The following SCARB2 variants were observed in gnomAD, a reference collection of about 807,000 sequenced individuals.
The protein encoded by SCARB2 is scavenger receptor class B member 2.
Under a neutral mutation model 58.6 loss-of-function variants are expected in SCARB2, and 29 were observed. The observed-to-expected ratio is 0.49, with a 90% CI of 0.37 to 0.67. SCARB2 has a LOEUF of 0.67. SCARB2 is among the 30% of genes least tolerant of loss of function. The pLI, the probability that SCARB2 is intolerant of heterozygous loss-of-function variation, is 0.00. For missense variants in SCARB2, 488 were observed against 578.5 expected, an observed-to-expected ratio of 0.84 and a Z score of 1.60; for synonymous variants, 195 against 210.1, an observed-to-expected ratio of 0.93 and a Z score of 0.62.
Position 76,205,172 on chromosome 4 carries a change from T to C in SCARB2, c.117+8255A>G, listed in dbSNP as rs186686122. Among the ~76,000 whole-genome samples the C allele has an allele frequency of 3.8e-3, 574 of 151,960 alleles. 4 individuals carry two copies. The highest frequency in any genetic ancestry group is 0.012 in the African/African-American group (518 of 41,470). ...AAGACCCCATCTCTACAAAAAAATA[T>C]TTAAAAATTAGCCTGGCATGGTGCA... is the stretch of plus-strand genomic sequence containing the variant. On this transcript the variant is annotated intron_variant, in intron 1 of 11. Coordinates refer to ENST00000264896, the MANE Select transcript of SCARB2 (RefSeq NM_005506.4).
At chr4:76,208,619 G>A (rs189760507) in intron 1 of SCARB2, among the ~76,000 whole-genome samples, 21 of 152,194 alleles carry the variant, frequency 1.4e-4, no homozygotes, top group Non-Finnish European at 2.6e-4. Context: ...AAAAGTGGGA[G>A]GCAGAGTGTG....
At chr4:76,219,202 G>C (rs1733266109) in intron 1 of SCARB2, among the ~76,000 whole-genome samples, 1 of 152,190 alleles carries the variant, frequency 6.6e-6, no homozygotes, top group Admixed American at 6.5e-5. Flanking sequence ...ATGGTGACCT[G>C]GGCATCCAGG....
At position 76,195,737 on chromosome 4, in the gene SCARB2, C is replaced by A. The variant is rs1422181706; in HGVS notation, c.245G>T (p.Arg82Leu). 6.2e-7 allele frequency: 1 copy of A among 1,613,966 alleles called. No individual in the cohort carries two copies. The highest frequency in any genetic ancestry group is 1.1e-5 in the South Asian group (1 of 91,066). ...GGTGTATGGCCCCACTTCTTCCACC[C>A]GAGGGGTCTCCCCTCTGAGGATCTC... ...PEEILRGETPRVEEVGPYTYR... is the reference protein window; with the variant it reads ...PEEILRGETPLVEEVGPYTYR... The change falls in exon 2 of 12, where the codon CGG (arginine) becomes CTG (leucine). Residue 82 changes from arginine (R) to leucine (L), a missense_variant. By Grantham distance (102) the Arg-to-Leu change is moderately radical (BLOSUM62 -2). Transcript: ENST00000264896.
chr4:76,233,045 G>A (rs1733519662), intron 1 of SCARB2, among the ~76,000 whole-genome samples: 1 of 151,900 alleles, frequency 6.6e-6, no homozygotes, highest in African/African-American at 2.4e-5. Context: ...TTAACCCTAG[G>A]CAAAAATTTA....
intron 1 of SCARB2, among the ~76,000 whole-genome samples, chr4:76,200,044 A>C (rs1732797683): frequency 6.6e-6 from 1 of 152,202 alleles, no homozygotes; most frequent in African/African-American, 2.4e-5. Context: ...CCTCAGCCTC[A>C]AGACCGCGGA....
rs72857097 is a variant in SCARB2 at position 76,213,496 on chromosome 4, C to A, written c.48G>T (p.Leu16=). 2 of 1,611,342 alleles carry A rather than the reference C, an allele frequency of 1.2e-6. No homozygotes were observed. Among genetic ancestry groups the A allele is most frequent in the East Asian group, 4.5e-5 (2 of 44,750 alleles). The change falls in exon 1 of 12, where the codon CTG becomes CTT. Residue 16 remains leucine (L), a synonymous_variant. Coordinates refer to ENST00000264896, the MANE Select transcript of SCARB2 (RefSeq NM_005506.4). ...CCAGCAGCGTGACGCTGGTCACCAG[C>A]AGGAGCAGGGACAACGTCCCCGCCG... The part of the protein sequence containing the change: ...FYTAGTLSLL[L]LVTSVTLLVA...
intron 1 of SCARB2, among the ~76,000 whole-genome samples, chr4:76,207,250 T>C (rs1425244594): frequency 6.6e-6 from 1 of 152,238 alleles, no homozygotes; most frequent in African/African-American, 2.4e-5. Context: ...AATATGTGCT[T>C]GTGTAGTCTT....
intron 8 of SCARB2, among the ~76,000 whole-genome samples, chr4:76,169,042 T>C (rs769025445): frequency 2.6e-5 from 4 of 152,178 alleles, no homozygotes; most frequent in Non-Finnish European, 5.9e-5. Flanking sequence ...TGCTAACAGT[T>C]TGGCTGATCC....
At position 76,201,069 on chromosome 4, in the gene SCARB2, C is replaced by T. The variant is rs551536002; in HGVS notation, c.118-5205G>A. Among the ~76,000 whole-genome samples the T allele has an allele frequency of 2.6e-5, 4 of 152,320 alleles. No homozygotes were observed. In the South Asian group the frequency reaches 8.3e-4, roughly 32 times the overall value. On this transcript the variant is annotated intron_variant, in intron 1 of 11. Transcript: ENST00000264896. ...TCTGATGCAACTGCGTCACCTGTCG[C>T]TGTCTTTTCCTGGTAGGCACTTTAT...
chr4:76,179,420 G>A, intron 4 of SCARB2, 97 bp downstream of exon 4: 1 of 909,146 alleles, frequency 1.1e-6, no homozygotes, highest in Non-Finnish European at 1.8e-6. Flanking sequence ...CTTAACTCTA[G>A]GCAATTTCTA....
At chr4:76,213,288 T>C (rs1733100258) in intron 1 of SCARB2, 139 bp downstream of exon 1, 1 of 719,288 alleles carries the variant, frequency 1.4e-6, no homozygotes, top group Non-Finnish European at 2.5e-6. Flanking sequence ...TACCAAGCCC[T>C]GGAAGACAGG....
At chr4:76,206,811 G>C (rs1045821676) in intron 1 of SCARB2, among the ~76,000 whole-genome samples, 33 of 151,854 alleles carry the variant, frequency 2.2e-4, no homozygotes, top group African/African-American at 7.7e-4. Flanking sequence ...TGTCTACTTT[G>C]ATCAGCACTC....
chr4:76,201,187 C>A (rs1732821890), intron 1 of SCARB2, among the ~76,000 whole-genome samples: 1 of 152,184 alleles, frequency 6.6e-6, no homozygotes, highest in African/African-American at 2.4e-5. Context: ...CCGCCCTTCA[C>A]CCAGAAGTCT....
chr4:76,170,968 AT>A lies in SCARB2; in HGVS notation c.995-984del, dbSNP rs1400687290. On this transcript the variant is annotated intron_variant, in intron 7 of 11. Transcript: ENST00000264896. ...TAAATATATATATATATATATATAT[AT>A]ATAACCAAATAGGGAAACAAGTTAC... Among the ~76,000 whole-genome samples, 8 of 141,170 alleles carry A rather than the reference AT, an allele frequency of 5.7e-5. 1 individual carries two copies. The South Asian group carries it at 8.8e-4, about 16-fold the overall frequency. The allele number at this position is 141,170 out of a possible 152,430, so 92.6% of individuals were successfully genotyped here.
intron 1 of SCARB2, among the ~76,000 whole-genome samples, chr4:76,200,304 A>G (rs1732803710): frequency 6.6e-6 from 1 of 152,224 alleles, no homozygotes; most frequent in African/African-American, 2.4e-5. Context: ...GGATATTAAG[A>G]GTGGCACTGT....
At chr4:76,225,669 GT>G (rs1733384338) in intron 1 of SCARB2, among the ~76,000 whole-genome samples, 1 of 152,100 alleles carries the variant, frequency 6.6e-6, no homozygotes, top group African/African-American at 2.4e-5. Context: ...TTTTAATTCT[GT>G]TGATGTGATG....
intron 1 of SCARB2, among the ~76,000 whole-genome samples, chr4:76,229,567 G>C (rs968951908): frequency 2.6e-5 from 4 of 152,142 alleles, no homozygotes; most frequent in African/African-American, 9.7e-5. Context: ...CTTTCCCTAG[G>C]GACGTGGCTT....
chr4:76,179,997 G>A (rs571785173), intron 3 of SCARB2: 99 of 430,256 alleles, frequency 2.3e-4, no homozygotes, highest in African/African-American at 1.9e-3. Flanking sequence ...AAACATGTGG[G>A]CATCTTTGGC....
At chr4:76,174,453 T>C (rs187842769) in intron 6 of SCARB2, 140 bp from the exon 7 acceptor site, 27 of 727,840 alleles carry the variant, frequency 3.7e-5, no homozygotes, top group Admixed American at 8.1e-5. Context: ...TTGGAAGGCA[T>C]TCTGTCAACT....
Sources: allele counts gnomAD v4.1 joint callset (sites outside exome capture counted in the v4.1 genomes callset), GRCh38; gene constraint gnomAD v4.1.1; transcripts MANE v1.5; gene names NCBI Gene and HGNC (gene_info 2026-07-23, HGNC 2026-07-21).